The following PPIH variants were observed in gnomAD, a reference collection of about 807,000 sequenced individuals.
PPIH encodes the protein peptidylprolyl isomerase H.
In PPIH, 16 loss-of-function variants were observed where a neutral mutation model predicts 27.6. That is an observed-to-expected ratio of 0.58 (90% CI 0.39 to 0.88). PPIH has a LOEUF of 0.88. Ranked by LOEUF, PPIH falls within the 40% of genes least tolerant of loss-of-function variation. PPIH has a pLI of 0.00. For missense variants in PPIH, 155 were observed against 224.1 expected (o/e 0.69, Z 1.97); for synonymous variants, 63 against 76.1 (o/e 0.83, Z 0.90).
At chr1:42,658,594 G>A (rs1648791925) in intron 1 of PPIH, 82 bp downstream of exon 1, 4 of 1,469,116 alleles carry the variant, frequency 2.7e-6, no homozygotes, top group Middle Eastern at 1.8e-4. Flanking sequence ...CAGAGAGAGC[G>A]GACTCGGGAA....
At position 42,667,363 on chromosome 1, in the gene PPIH, G is replaced by A; in HGVS notation, c.478G>A (p.Gly160Ser). 1.2e-6 allele frequency: 2 copies of A among 1,606,772 alleles called. No individual in the cohort carries two copies. The highest frequency in any genetic ancestry group is 1.7e-6 in the Non-Finnish European group (2 of 1,173,334). ...VMRKIENVPT[G>S]PNNKPKLPVV... is the part of the protein sequence containing the mutation. ...CTTTTTTTCCTAGAATGTTCCCACA[G>A]GCCCCAACAATAAGCCCAAGCTACC... Residue 160 changes from glycine (G) to serine (S), a missense_variant, in exon 9 of 10, where the codon GGC (glycine) becomes AGC (serine). Gly to Ser is a moderately conservative substitution (Grantham distance 56). Coordinates refer to ENST00000304979, the MANE Select transcript of PPIH (RefSeq NM_006347.4).
At chr1:42,668,495 A>G (rs1430099928) in intron 9 of PPIH, among the ~76,000 whole-genome samples, 1 of 152,150 alleles carries the variant, frequency 6.6e-6, no homozygotes, top group East Asian at 1.9e-4. Context: ...AGGAACTCCT[A>G]AAAATAAGAA....
At chr1:42,661,484 G>A (rs1649012990) in intron 5 of PPIH, among the ~76,000 whole-genome samples, 1 of 152,152 alleles carries the variant, frequency 6.6e-6, no homozygotes. Context: ...TTTCTTGTAA[G>A]TAGACTGTTT....
chr1:42,658,582 C>A, intron 1 of PPIH, 70 bp downstream of exon 1: 1 of 1,508,236 alleles, frequency 6.6e-7, no homozygotes, highest in Non-Finnish European at 9.2e-7. Context: ...GCAGAACTCA[C>A]CCAGAGAGAG....
Position 42,666,166 on chromosome 1 carries a change from G to C in PPIH, c.424+99G>C, listed in dbSNP as rs554633296. 9.7e-6 allele frequency: 11 copies of C among 1,129,688 alleles called. No homozygotes were observed. In the South Asian group the frequency reaches 1.3e-4, roughly 13 times the overall value. 70.0% of individuals were successfully genotyped at this position (1,129,688 alleles called of 1,614,324 possible). On this transcript the variant is annotated intron_variant, in intron 7 of 9. Coordinates refer to ENST00000304979, the MANE Select transcript of PPIH (RefSeq NM_006347.4). ...AACTCTTACCAAGAAAGCTCAACCT[G>C]TGTAACTGCTTAGGTGGTAATAGAG... is the stretch of plus-strand genomic sequence containing the variant.
chr1:42,668,909 T>C (rs764507980), intron 9 of PPIH, among the ~76,000 whole-genome samples: 2 of 152,114 alleles, frequency 1.3e-5, no homozygotes, highest in African/African-American at 2.4e-5. Context: ...AACCACCTTG[T>C]ATTAAAAAAT....
intron 5 of PPIH, among the ~76,000 whole-genome samples, chr1:42,664,531 G>A (rs574689220): frequency 6.6e-5 from 10 of 152,304 alleles, no homozygotes; most frequent in African/African-American, 1.4e-4. Flanking sequence ...GAAGGCATGA[G>A]AGTCTTCAGG....
intron 6 of PPIH, among the ~76,000 whole-genome samples, chr1:42,665,424 A>G (rs183130481): frequency 6.6e-6 from 1 of 152,260 alleles, no homozygotes; most frequent in East Asian, 1.9e-4. Context: ...GAAAAGAAAG[A>G]AAAGAAAACC....
intron 6 of PPIH, 38 bp from the exon 7 acceptor site, chr1:42,665,942 C>T (rs142200019): frequency 1.5e-5 from 24 of 1,554,596 alleles, no homozygotes; most frequent in African/African-American, 1.1e-4. Flanking sequence ...CTAACATGGC[C>T]GGGGAAACTT....
chr1:42,676,192 G>A lies in PPIH; in HGVS notation c.*22-392G>A, dbSNP rs866901908. ...GTGTAGAGAATAGCTGGGAGTGGCC[G>A]GGCACGGTGGCTCATCCCTGTAATC... On this transcript the variant is annotated intron_variant, in intron 9 of 9. Coordinates refer to ENST00000304979, the MANE Select transcript of PPIH (RefSeq NM_006347.4). Among the ~76,000 whole-genome samples the A allele has an allele frequency of 6.6e-5, 10 of 151,920 alleles. 2 individuals are homozygous for A. The highest frequency in any genetic ancestry group is 2.0e-4 in the Admixed American group (3 of 15,248).
At chr1:42,677,972 A>G (rs758160418), downstream of PPIH, among the ~76,000 whole-genome samples, 1 of 152,242 alleles carries the variant, frequency 6.6e-6, no homozygotes, top group Non-Finnish European at 1.5e-5. Flanking sequence ...CAAAGGTAGC[A>G]AACAGCTGAA....
Position 42,666,587 on chromosome 1 carries a change from G to A in PPIH, c.465G>A (p.Glu155=). 3 of 1,613,546 alleles carry A rather than the reference G, an allele frequency of 1.9e-6. No individual in the cohort carries two copies. The highest frequency in any genetic ancestry group is 2.5e-6 in the Non-Finnish European group (3 of 1,179,540). The change falls in exon 8 of 10, where the codon GAG becomes GAA. Residue 155 remains glutamate, a splice_region_variant and synonymous_variant. Coordinates refer to ENST00000304979, the MANE Select transcript of PPIH (RefSeq NM_006347.4). ...GACTTCTAGTGATGAGAAAGATTGAGGTAAGTACTGCTTTGATTTTTCTGT... is the reference window on the plus strand; with the variant it reads ...GACTTCTAGTGATGAGAAAGATTGAAGTAAGTACTGCTTTGATTTTTCTGT... ...IDGLLVMRKI[E]NVPTGPNNKP...
At chr1:42,673,150 A>G (rs1649728100) in intron 9 of PPIH, among the ~76,000 whole-genome samples, 1 of 151,896 alleles carries the variant, frequency 6.6e-6, no homozygotes, top group Middle Eastern at 3.4e-3. Context: ...GTGCAGCACC[A>G]CACCCAGCTA....
intron 8 of PPIH, among the ~76,000 whole-genome samples, chr1:42,666,975 A>G (rs949676249): frequency 7.9e-5 from 12 of 152,086 alleles, no homozygotes; most frequent in African/African-American, 2.9e-4. Flanking sequence ...GCCTTTGCTC[A>G]CACAGTTTCC....
At chr1:42,667,248 G>A (rs748982079) in intron 8 of PPIH, 103 bp from the exon 9 acceptor site, 113 of 1,001,848 alleles carry the variant, frequency 1.1e-4, no homozygotes, top group Non-Finnish European at 1.7e-4. Flanking sequence ...CTGTTTCTGA[G>A]TGCTGAGTCC....
intron 9 of PPIH, among the ~76,000 whole-genome samples, chr1:42,673,907 A>G (rs763683477): frequency 7.2e-5 from 11 of 152,258 alleles, no homozygotes; most frequent in Non-Finnish European, 1.6e-4. Context: ...TTGAATGACT[A>G]AGGTTTAGGA....
intron 5 of PPIH, among the ~76,000 whole-genome samples, chr1:42,662,915 TGTC>T (rs1164432463): frequency 5.9e-5 from 9 of 152,236 alleles, no homozygotes; most frequent in Admixed American, 2.0e-4. Flanking sequence ...TATTTTCCCT[TGTC>T]GTTATGTCTT....
At chr1:42,680,394 T>G (rs575091804), downstream of PPIH, among the ~76,000 whole-genome samples, 1 of 152,238 alleles carries the variant, frequency 6.6e-6, no homozygotes, top group Non-Finnish European at 1.5e-5. Context: ...TTGCTACCTC[T>G]GCTCCTGCAG....
At chr1:42,661,099 T>G (rs1321250460) in intron 5 of PPIH, 195 bp downstream of exon 5, 2 of 563,368 alleles carry the variant, frequency 3.6e-6, no homozygotes, top group Non-Finnish European at 6.3e-6. Flanking sequence ...GATAACCGAC[T>G]TTAGCACTTT....
Sources: allele counts gnomAD v4.1 joint callset (sites outside exome capture counted in the v4.1 genomes callset), GRCh38; gene constraint gnomAD v4.1.1; transcripts MANE v1.5; gene names NCBI Gene and HGNC (gene_info 2026-07-23, HGNC 2026-07-21).